The following RPS9 variants were observed in gnomAD, a reference collection of about 807,000 sequenced individuals.
The protein encoded by RPS9 is small ribosomal subunit protein uS4.
RPS9 carries 1 observed loss-of-function variant against 16.9 expected under a neutral mutation model. The ratio of observed to expected loss-of-function variants is 0.06; its 90% CI spans 0.02 to 0.28. The LOEUF is 0.28. RPS9 is among the 10% of genes least tolerant of loss of function. The probability of loss-of-function intolerance (pLI) is 1.00; values close to 1 mark genes in which losing one functional copy is unlikely to be tolerated. For missense variants in RPS9, 137 were observed against 273.2 expected (o/e 0.50, Z 3.51); for synonymous variants, 106 against 110.9 (o/e 0.96, Z 0.28).
At chr19:54,207,013 C>A in intron 4 of RPS9, 1 of 431,190 alleles carries the variant, frequency 2.3e-6, no homozygotes, top group Non-Finnish European at 4.2e-6. Context: ...GGAGACGTAG[C>A]CTCGGGTTGC....
intron 3 of RPS9, chr19:54,202,546 T>G (rs1033812032): frequency 4.1e-5 from 40 of 981,014 alleles, no homozygotes; most frequent in Admixed American, 2.5e-4. Flanking sequence ...TTAGGCTTAC[T>G]TTACTAATTG....
intron 3 of RPS9, among the ~76,000 whole-genome samples, chr19:54,205,855 C>A (rs1203953566): frequency 6.6e-6 from 1 of 152,164 alleles, no homozygotes; most frequent in African/African-American, 2.4e-5. Flanking sequence ...CTCACTCTGT[C>A]GCCCAGGCTG....
intron 4 of RPS9, chr19:54,207,155 G>A: frequency 1.9e-6 from 1 of 539,216 alleles, no homozygotes; most frequent in Non-Finnish European, 3.3e-6. Flanking sequence ...TCTTAGGTGG[G>A]ATACTTTCGG....
intron 3 of RPS9, 83 bp from the exon 4 acceptor site, chr19:54,206,193 C>T: frequency 7.1e-7 from 1 of 1,402,572 alleles, no homozygotes; most frequent in Non-Finnish European, 9.8e-7. Context: ...CGGCATGGAG[C>T]TACCAAGAGG....
Position 54,202,867 on chromosome 19 carries a change from C to T in RPS9, c.220+1258C>T, listed in dbSNP as rs1053617262. ...GTCCCAGGCTTGCAGATGTTAGAAGCTTTTTCTTTAAATAGGCACAGGATC... is the reference window on the plus strand; with the variant it reads ...GTCCCAGGCTTGCAGATGTTAGAAGTTTTTTCTTTAAATAGGCACAGGATC... On this transcript the variant is annotated intron_variant, in intron 3 of 4. Transcript: ENST00000302907. 9 of 985,230 alleles carry T rather than the reference C, an allele frequency of 9.1e-6. No individual in the cohort carries two copies. In the South Asian group the frequency reaches 2.3e-4, roughly 26 times the overall value. The allele number at this position is 985,230 out of a possible 1,614,324, so 61.0% of individuals were successfully genotyped here.
intron 3 of RPS9, among the ~76,000 whole-genome samples, chr19:54,205,759 C>CCT (rs1211158421): frequency 2.6e-5 from 4 of 152,162 alleles, no homozygotes; most frequent in Non-Finnish European, 1.5e-5. Context: ...ATTTTGCCCT[C>CCT]CTGTCATCTG....
At chr19:54,202,741 GTC>G in intron 3 of RPS9, 1 of 985,440 alleles carries the variant, frequency 1.0e-6, no homozygotes, top group Non-Finnish European at 1.2e-6. Context: ...GTGAAAAGCA[GTC>G]TCTACACCTG....
chr19:54,207,559 A>G lies in RPS9; in HGVS notation c.569A>G (p.Asp190Gly), dbSNP rs1334112497. The change falls in exon 5 of 5, where the codon GAC becomes GGC. Residue 190 changes from aspartate (D) to glycine (G), a missense_variant. Physicochemically the swap from Asp to Gly is moderately conservative, Grantham distance 94 (BLOSUM62 -1). This residue lies in a region of RPS9 where 19 missense variants were observed against 18.2 expected (regional missense o/e 1.04). Transcript: ENST00000302907. ...CAGGGTGGGGCTGGGGCTGGAGACGACGAGGAGGAGGATTAAGTCCACCTG... is the reference window on the plus strand; with the variant it reads ...CAGGGTGGGGCTGGGGCTGGAGACGGCGAGGAGGAGGATTAAGTCCACCTG... ...KGQGGAGAGDDEEED is the reference protein window; with the variant it reads ...KGQGGAGAGDGEEED 4 of 1,610,582 alleles carry G rather than the reference A, an allele frequency of 2.5e-6. No homozygotes were observed. The highest frequency in any genetic ancestry group is 1.3e-5 in the African/African-American group (1 of 74,840).
At chr19:54,202,166 C>G (rs1600744771) in intron 3 of RPS9, among the ~76,000 whole-genome samples, 1 of 152,126 alleles carries the variant, frequency 6.6e-6, no homozygotes, top group Non-Finnish European at 1.5e-5. Context: ...GGACTACAGA[C>G]AGGCGCACGC....
At chr19:54,205,424 A>G (rs1311078794) in intron 3 of RPS9, among the ~76,000 whole-genome samples, 2 of 151,434 alleles carry the variant, frequency 1.3e-5, no homozygotes, top group African/African-American at 4.9e-5. Flanking sequence ...TTTGGTGGAA[A>G]ATTTTGTACA....
rs2077102091 is a variant in RPS9 at position 54,202,730 on chromosome 19, G to T, written c.220+1121G>T. 4 of 985,288 alleles carry T rather than the reference G, an allele frequency of 4.1e-6. No individual in the cohort carries two copies. In the African/African-American group the frequency reaches 7.0e-5, roughly 17 times the overall value. 61.0% of individuals were successfully genotyped at this position (985,288 alleles called of 1,614,324 possible). A position where few individuals can be genotyped will look rare whatever the true frequency, so the allele number is the denominator to read the frequency against. ...CTGAGTTTGGGTAGTCATGATTTAT[G>T]GTGAAAAGCAGTCTCTACACCTGAG... On this transcript the variant is annotated intron_variant, in intron 3 of 4. Coordinates refer to ENST00000302907, the MANE Select transcript of RPS9 (RefSeq NM_001013.4).
chr19:54,205,308 A>G (rs917276494), intron 3 of RPS9, among the ~76,000 whole-genome samples: 12 of 151,892 alleles, frequency 7.9e-5, no homozygotes, highest in Non-Finnish European at 1.5e-5. Flanking sequence ...TGGACAGGGT[A>G]AGGAGCAAGC....
intron 1 of RPS9, 48 bp from the exon 2 acceptor site, chr19:54,201,112 C>A (rs1163012958): frequency 6.2e-7 from 1 of 1,608,094 alleles, no homozygotes; most frequent in Non-Finnish European, 8.5e-7. Flanking sequence ...TGTGGGACTG[C>A]GCAGGCGCCG....
chr19:54,206,950 C>G, intron 4 of RPS9: 1 of 480,704 alleles, frequency 2.1e-6, no homozygotes, highest in East Asian at 3.7e-5. Flanking sequence ...CGCCCCAGCC[C>G]TTCACTAACC....
At chr19:54,206,889 AGG>A (rs1568904394) in intron 4 of RPS9, 2 of 597,948 alleles carry the variant, frequency 3.3e-6, no homozygotes, top group Non-Finnish European at 5.7e-6. Context: ...GGCACCATTG[AGG>A]GGGAGGAGCT....
chr19:54,206,474 G>A lies in RPS9; in HGVS notation c.407+12G>A. 6.2e-7 allele frequency: 1 copy of A among 1,614,088 alleles called. No individual in the cohort carries two copies. The highest frequency in any genetic ancestry group is 1.3e-5 in the African/African-American group (1 of 75,066). ...CAGCGCCATATCAGGTACCACCTCG[G>A]ATGGGCACCTGAATCTTCCTCCACC... On this transcript the variant is annotated intron_variant, in intron 4 of 4. Transcript: ENST00000302907.
At chr19:54,203,408 C>G in intron 3 of RPS9, 1 of 666,918 alleles carries the variant, frequency 1.5e-6, no homozygotes, top group African/African-American at 2.0e-5. Flanking sequence ...GTGTGACTAG[C>G]GAGATTCTGA....
At chr19:54,202,521 G>A (rs1215573708) in intron 3 of RPS9, 1 of 977,280 alleles carries the variant, frequency 1.0e-6, no homozygotes, top group South Asian at 4.7e-5. Flanking sequence ...AGGAGGGCAT[G>A]CAGATCACAT....
intron 3 of RPS9, among the ~76,000 whole-genome samples, chr19:54,205,966 C>T (rs1024574919): frequency 3.3e-5 from 5 of 152,138 alleles, no homozygotes; most frequent in Non-Finnish European, 5.9e-5. Context: ...ACAGGCAGTG[C>T]GCCAACGGCC....
Sources: gnomAD v4.1 joint callset for allele counts (sites outside exome capture counted in the v4.1 genomes callset) on GRCh38, gnomAD v4.1.1 for gene constraint, gnomAD v4.1.1 regional missense constraint, MANE v1.5 for transcripts, NCBI Gene and HGNC (gene_info 2026-07-23, HGNC 2026-07-21) for gene names.